MCPH1: variants seen among roughly 807,000 people sequenced by gnomAD.
The protein encoded by MCPH1 is microcephalin 1.
Under a neutral mutation model 84.5 loss-of-function variants are expected in MCPH1, and 104 were observed. That is an observed-to-expected ratio of 1.23 (90% confidence interval 1.05 to 1.45). The LOEUF (loss-of-function observed/expected upper bound fraction) is 1.45, where lower values mean the gene tolerates loss of function less well. MCPH1 is among the 40% of genes most tolerant of loss of function. The probability of loss-of-function intolerance (pLI) is 0.00; values close to 1 mark genes in which losing one functional copy is unlikely to be tolerated. For synonymous variants in MCPH1, 514 were observed against 366.8 expected, an observed-to-expected ratio of 1.40 and a Z score of -4.58; for missense variants, 1,498 against 1,005.7, an observed-to-expected ratio of 1.49 and a Z score of -6.62.
At chr8:6,453,402 T>TA (rs1805307783) in intron 8 of MCPH1, among the ~76,000 whole-genome samples, 1 of 152,044 alleles carries the variant, frequency 6.6e-6, no homozygotes, top group Non-Finnish European at 1.5e-5. Context: ...CAGTCTTTTT[T>TA]TTTTTTAATA....
At chr8:6,570,749 TC>T (rs1826584056) in intron 12 of MCPH1, among the ~76,000 whole-genome samples, 1 of 151,932 alleles carries the variant, frequency 6.6e-6, no homozygotes, top group Non-Finnish European at 1.5e-5. Flanking sequence ...TTCTAACTTA[TC>T]TGTGTTCATT....
chr8:6,515,195 T>G (rs947548935), intron 12 of MCPH1, among the ~76,000 whole-genome samples: 2 of 142,958 alleles, frequency 1.4e-5, no homozygotes, highest in Non-Finnish European at 3.1e-5. Context: ...CCTTGAAACC[T>G]TTCACTAAAT....
intron 3 of MCPH1, among the ~76,000 whole-genome samples, chr8:6,428,535 C>G (rs768022166): frequency 6.6e-6 from 1 of 152,222 alleles, no homozygotes; most frequent in East Asian, 1.9e-4. Context: ...TCCCGCCAGC[C>G]AAGGCAGCCT....
intron 12 of MCPH1, among the ~76,000 whole-genome samples, chr8:6,571,017 A>C (rs1826614935): frequency 6.6e-6 from 1 of 152,068 alleles, no homozygotes; most frequent in Non-Finnish European, 1.5e-5. Context: ...AAGAAAAAAA[A>C]ATTCCTTGAG....
intron 12 of MCPH1, among the ~76,000 whole-genome samples, chr8:6,602,610 T>G (rs1157221777): frequency 2.0e-5 from 3 of 152,130 alleles, no homozygotes; most frequent in Non-Finnish European, 4.4e-5. Flanking sequence ...TTCATTTCCT[T>G]TCTTTAATAC....
intron 12 of MCPH1, among the ~76,000 whole-genome samples, chr8:6,539,387 G>A (rs1163872571): frequency 6.6e-6 from 1 of 152,182 alleles, no homozygotes; most frequent in Non-Finnish European, 1.5e-5. Flanking sequence ...CCTAGAAGTT[G>A]AGGCAAAAGC....
chr8:6,502,987 G>A (rs759283579), intron 12 of MCPH1: 10 of 1,285,986 alleles, frequency 7.8e-6, no homozygotes, highest in South Asian at 2.8e-5. Context: ...CGTCAGCACC[G>A]AGCACACGCC....
At position 6,643,212 on chromosome 8, in the gene MCPH1, T is replaced by C; in HGVS notation, c.*163T>C. The C allele has an allele frequency of 1.4e-6, 1 of 695,526 alleles. No homozygotes were observed. Among genetic ancestry groups the C allele is most frequent in the Non-Finnish European group, 2.6e-6 (1 of 384,296 alleles). 43.1% of individuals were successfully genotyped at this position (695,526 alleles called of 1,614,324 possible). On this transcript the variant is annotated 3_prime_UTR_variant, in exon 14 of 14. Coordinates refer to ENST00000344683, the MANE Select transcript of MCPH1 (RefSeq NM_024596.5). ...TGGTTCTTAAGAACTCATAGGTGAC[T>C]TTCTGATGACTGAATGTCTGTTTCA...
intron 12 of MCPH1, among the ~76,000 whole-genome samples, chr8:6,505,693 A>T (rs1197551884): frequency 9.7e-6 from 1 of 103,242 alleles, no homozygotes; most frequent in African/African-American, 3.0e-5. Context: ...TATAGAATAT[A>T]TGTATTCTTT....
intron 12 of MCPH1, among the ~76,000 whole-genome samples, chr8:6,567,976 G>A (rs1417483023): frequency 6.6e-6 from 1 of 152,156 alleles, no homozygotes; most frequent in South Asian, 2.1e-4. Context: ...CCTTAATACT[G>A]TTTGTTTTCT....
At chr8:6,433,043 C>G (rs982119996) in intron 4 of MCPH1, among the ~76,000 whole-genome samples, 1 of 152,178 alleles carries the variant, frequency 6.6e-6, no homozygotes, top group South Asian at 2.1e-4. Context: ...TGAAGGGGCT[C>G]TGCTATCTTA....
In MCPH1 at chr8:6,414,752, A is replaced by G. The variant is rs1432127161; in HGVS notation, c.115-13A>G. ...CAGTAATGTACATTTTGTTTTCTGC[A>G]TTTTGTCTACAGGTTTCAAAAACTT... On this transcript the variant is annotated splice_polypyrimidine_tract_variant and intron_variant, in intron 2 of 13. Coordinates refer to ENST00000344683, the MANE Select transcript of MCPH1 (RefSeq NM_024596.5). 6 of 1,612,920 alleles carry G rather than the reference A, an allele frequency of 3.7e-6. No individual in the cohort carries two copies. The African/African-American group carries it at 4.0e-5, about 11-fold the overall frequency.
chr8:6,542,995 G>A (rs1455219791), intron 12 of MCPH1, among the ~76,000 whole-genome samples: 2 of 152,154 alleles, frequency 1.3e-5, no homozygotes, highest in Non-Finnish European at 2.9e-5. Flanking sequence ...GTTTTAAAAA[G>A]GGAGAGGAGC....
intron 12 of MCPH1, among the ~76,000 whole-genome samples, chr8:6,598,728 G>A (rs537778114): frequency 2.0e-5 from 3 of 152,356 alleles, no homozygotes; most frequent in South Asian, 2.1e-4. Context: ...GTGAGGAAGC[G>A]CAGTGCGGCT....
At chr8:6,623,285 C>G (rs1831667979) in intron 13 of MCPH1, among the ~76,000 whole-genome samples, 1 of 152,118 alleles carries the variant, frequency 6.6e-6, no homozygotes, top group African/African-American at 2.4e-5. Context: ...CAATGAATCA[C>G]TCTAGTTTCA....
intron 12 of MCPH1, among the ~76,000 whole-genome samples, chr8:6,585,128 A>G (rs1586714581): frequency 1.3e-5 from 2 of 152,248 alleles, no homozygotes; most frequent in East Asian, 3.8e-4. Flanking sequence ...TTTTCAGACT[A>G]AGACAGTGTC....
intron 12 of MCPH1, among the ~76,000 whole-genome samples, chr8:6,544,911 T>C (rs773456673): frequency 2.0e-5 from 3 of 152,230 alleles, no homozygotes; most frequent in Non-Finnish European, 4.4e-5. Flanking sequence ...GTCAGTAGTC[T>C]CACTAGTTTT....
chr8:6,587,596 A>G (rs1828100435), intron 12 of MCPH1, among the ~76,000 whole-genome samples: 2 of 152,234 alleles, frequency 1.3e-5, no homozygotes, highest in African/African-American at 2.4e-5. Context: ...GTATGTAGCT[A>G]TAAATCACTT....
chr8:6,625,144 G>C (rs1178493777), intron 13 of MCPH1: 1 of 975,000 alleles, frequency 1.0e-6, no homozygotes, highest in Non-Finnish European at 1.2e-6. Flanking sequence ...CAAAGTGCTG[G>C]GATTACAGGC....
Sources: gnomAD v4.1 joint callset for allele counts (sites outside exome capture counted in the v4.1 genomes callset) on GRCh38, gnomAD v4.1.1 for gene constraint, MANE v1.5 for transcripts, NCBI Gene and HGNC (gene_info 2026-07-23, HGNC 2026-07-21) for gene names.